The following SDK2 variants were observed in gnomAD, a reference collection of about 807,000 sequenced individuals.
SDK2 encodes the protein protein sidekick-2.
A neutral mutation model predicts 253.9 loss-of-function variants in SDK2; 105 were observed. The ratio of observed to expected loss-of-function variants is 0.41; its 90% CI spans 0.35 to 0.49. SDK2 has a LOEUF of 0.49. Ranked by LOEUF, SDK2 falls within the 20% of genes least tolerant of loss-of-function variation. The pLI is 0.06. For missense variants in SDK2, 2,608 were observed against 3,003.0 expected, an observed-to-expected ratio of 0.87 and a Z score of 3.07; for synonymous variants, 1,249 against 1,234.9, an observed-to-expected ratio of 1.01 and a Z score of -0.24.
intron 18 of SDK2, among the ~76,000 whole-genome samples, chr17:73,412,214 GCATATACA>G (rs919623439): frequency 2.0e-5 from 3 of 147,646 alleles, no homozygotes; most frequent in Non-Finnish European, 3.0e-5. Context: ...ATATGTATAT[GCATATACA>G]CATATACATA....
Position 73,455,040 on chromosome 17 carries a change from T to C in SDK2, c.479+866A>G, listed in dbSNP as rs905284873. Among the ~76,000 whole-genome samples, 3 of 152,172 alleles carry C rather than the reference T, an allele frequency of 2.0e-5. No individual in the cohort carries two copies. The highest frequency in any genetic ancestry group is 4.4e-5 in the Non-Finnish European group (3 of 68,036). ...ATTATTATTATTGTTATTGTTACTA[T>C]GCTTCCTTCCCCCAACTAGACTTAA... On this transcript the variant is annotated intron_variant, in intron 4 of 44. Transcript: ENST00000392650. This position sits in a 1 kb window ranked among gnomAD's most constrained non-coding sequence, Gnocchi z 5.0.
intron 1 of SDK2, among the ~76,000 whole-genome samples, chr17:73,624,773 C>T (rs917004829): frequency 8.5e-5 from 13 of 152,252 alleles, no homozygotes; most frequent in Admixed American, 5.9e-4. Context: ...CTGAACTAAT[C>T]CGGCTTCACG....
intron 1 of SDK2, among the ~76,000 whole-genome samples, chr17:73,615,522 C>T (rs372515400): frequency 6.6e-6 from 1 of 152,180 alleles, no homozygotes; most frequent in African/African-American, 2.4e-5. Flanking sequence ...GTGTTCTGTT[C>T]GGCTCACCAA....
intron 3 of SDK2, among the ~76,000 whole-genome samples, chr17:73,468,968 G>A (rs1174373680): frequency 2.0e-5 from 3 of 151,740 alleles, no homozygotes; most frequent in Non-Finnish European, 4.4e-5. Context: ...GGGATTAAAG[G>A]TGCATGCCAC....
intron 1 of SDK2, among the ~76,000 whole-genome samples, chr17:73,543,191 T>C (rs1450931713): frequency 1.3e-5 from 2 of 151,980 alleles, no homozygotes; most frequent in Non-Finnish European, 2.9e-5. Flanking sequence ...CTCCCTGCCC[T>C]CTCATCCAGG....
chr17:73,398,381 A>G lies in SDK2; in HGVS notation c.3142T>C (p.Ser1048Pro), dbSNP rs949611019. 6.2e-7 allele frequency: 1 copy of G among 1,613,854 alleles called. No individual in the cohort carries two copies. The change falls in exon 23 of 45, where the codon TCC (serine) becomes CCC (proline). Residue 1048 changes from serine (S) to proline (P), a missense_variant. Coordinates refer to ENST00000392650, the MANE Select transcript of SDK2 (RefSeq NM_001144952.2). ...ATGGAGCGGGCATCGGGCTCATTGG[A>G]GAGCTGGTGGATCAGCAACCACTCC... The part of the protein sequence containing the change: ...GEEWLLIHQL[S>P]NEPDARSMEV...
intron 3 of SDK2, among the ~76,000 whole-genome samples, chr17:73,468,973 T>C (rs1467986070): frequency 6.6e-6 from 1 of 151,874 alleles, no homozygotes; most frequent in Non-Finnish European, 1.5e-5. Flanking sequence ...TAAAGGTGCA[T>C]GCCACCATGC....
At chr17:73,632,721 G>A (rs2046285005) in intron 1 of SDK2, among the ~76,000 whole-genome samples, 1 of 152,140 alleles carries the variant, frequency 6.6e-6, no homozygotes, top group African/African-American at 2.4e-5. Context: ...TATGTTTGAG[G>A]TCCAACTGCT....
chr17:73,532,718 G>A (rs1006338961), intron 1 of SDK2, among the ~76,000 whole-genome samples: 4 of 152,160 alleles, frequency 2.6e-5, no homozygotes, highest in African/African-American at 9.7e-5. Flanking sequence ...AGGAAACGGG[G>A]GGGCTGGAGG....
intron 43 of SDK2, among the ~76,000 whole-genome samples, chr17:73,349,713 T>C (rs1242807462): frequency 2.0e-5 from 3 of 152,160 alleles, no homozygotes; most frequent in African/African-American, 7.2e-5. Context: ...GGTTGTCCTT[T>C]AATAGGTATA....
At chr17:73,607,657 T>G (rs2045924302) in intron 1 of SDK2, among the ~76,000 whole-genome samples, 1 of 152,022 alleles carries the variant, frequency 6.6e-6, no homozygotes, top group Non-Finnish European at 1.5e-5. Flanking sequence ...CAGCCAGATC[T>G]GCACACCCCA....
chr17:73,552,049 C>T (rs998190772), intron 1 of SDK2, among the ~76,000 whole-genome samples: 16 of 152,238 alleles, frequency 1.1e-4, no homozygotes, highest in East Asian at 3.9e-4. Flanking sequence ...AGGCAGGTGC[C>T]GCTGCAGTCC....
At chr17:73,370,221 T>C (rs1568369263) in intron 36 of SDK2, among the ~76,000 whole-genome samples, 1 of 152,152 alleles carries the variant, frequency 6.6e-6, no homozygotes, top group Non-Finnish European at 1.5e-5. Flanking sequence ...ATCCTTGCTT[T>C]TCTCCAATCC....
In SDK2 at chr17:73,383,829, GA is replaced by G. The variant is rs1196700035; in HGVS notation, c.4705+46del. 14 of 1,607,236 alleles carry G rather than the reference GA, an allele frequency of 8.7e-6. No individual in the cohort carries two copies. In the East Asian group the frequency reaches 2.0e-4, roughly 23 times the overall value. On this transcript the variant is annotated intron_variant, in intron 33 of 44. Coordinates refer to ENST00000392650, the MANE Select transcript of SDK2 (RefSeq NM_001144952.2). This position sits in a 1 kb window ranked among gnomAD's most constrained non-coding sequence, Gnocchi z 4.3. The stretch of plus-strand genomic sequence containing the variant: ...AGCTCCAGAGCGGGAAGGTGAGGGT[GA>G]CCGCCCCCATCCCACCCATTCCTCT...
chr17:73,425,564 G>A (rs2063274617), intron 12 of SDK2, among the ~76,000 whole-genome samples: 1 of 152,158 alleles, frequency 6.6e-6, no homozygotes, highest in African/African-American at 2.4e-5. Flanking sequence ...CTGGAGTGCC[G>A]TGGTGCGGTC....
chr17:73,393,570 C>A lies in SDK2; in HGVS notation c.3888G>T (p.Thr1296=), dbSNP rs201343278. Reference sequence around the variant, plus strand: ...GGGATACGGACTCACCATCATCCAGCGTCCGCTCCAGGATGGGAGGGTGGC... The same window carrying A: ...GGGATACGGACTCACCATCATCCAGAGTCCGCTCCAGGATGGGAGGGTGGC... ...SPSHPPILER[T]LDDVPGPPMG... The change falls in exon 27 of 45, where the codon ACG becomes ACT. Residue 1296 remains threonine (T), a synonymous_variant. Transcript: ENST00000392650. The A allele has an allele frequency of 1.1e-5, 17 of 1,559,922 alleles. No individual in the cohort carries two copies. The highest frequency in any genetic ancestry group is 1.4e-5 in the Non-Finnish European group (16 of 1,144,626).
At chr17:73,507,349 G>A (rs2063943966) in intron 2 of SDK2, 89 bp downstream of exon 2, 1 of 1,380,494 alleles carries the variant, frequency 7.2e-7, no homozygotes, top group Non-Finnish European at 9.8e-7. Flanking sequence ...GCCCCACACT[G>A]TCACACAAAC....
rs908647256 is a variant in SDK2, at chr17:73,642,194, C to T, written c.64+1831G>A. On this transcript the variant is annotated intron_variant, in intron 1 of 44. Coordinates refer to ENST00000392650, the MANE Select transcript of SDK2 (RefSeq NM_001144952.2). The surrounding 1 kb of genome is among the most constrained non-coding windows in gnomAD (Gnocchi z 4.7). ...CTCAAGTGGATGGCACAGGTGTGGA[C>T]GTGGGGCAGGAAGGGACACATGAAG... Among the ~76,000 whole-genome samples, 2 of 152,232 alleles carry T rather than the reference C, an allele frequency of 1.3e-5. No individual in the cohort carries two copies. Among genetic ancestry groups the T allele is most frequent in the East Asian group, 1.9e-4 (1 of 5,174 alleles).
intron 1 of SDK2, among the ~76,000 whole-genome samples, chr17:73,514,877 G>C (rs566854677): frequency 6.6e-6 from 1 of 152,172 alleles, no homozygotes; most frequent in East Asian, 1.9e-4. Context: ...CCTCTTAATG[G>C]GTGCCAGGGG....
Sources: allele counts gnomAD v4.1 joint callset (sites outside exome capture counted in the v4.1 genomes callset), GRCh38; gene constraint gnomAD v4.1.1; non-coding constraint Gnocchi (gnomAD v3.1); transcripts MANE v1.5; gene names NCBI Gene and HGNC (gene_info 2026-07-23, HGNC 2026-07-21).